Variants in RAB28 observed in about 807,000 individuals in gnomAD.
The protein encoded by RAB28 is RAB28, member RAS oncogene family.
RAB28 carries 24 observed loss-of-function variants against 31.7 expected under a neutral mutation model. That is an observed-to-expected ratio of 0.76 (90% CI 0.55 to 1.06). The LOEUF (loss-of-function observed/expected upper bound fraction) is 1.06. RAB28 is among the 50% of genes least tolerant of loss of function. RAB28 has a pLI of 0.00. For missense variants in RAB28, 254 were observed against 258.5 expected (o/e 0.98, Z 0.12); for synonymous variants, 100 against 90.4 (o/e 1.11, Z -0.60).
chr4:13,373,532 T>A (rs1728798206), intron 6 of RAB28, among the ~76,000 whole-genome samples: 1 of 152,162 alleles, frequency 6.6e-6, no homozygotes, highest in South Asian at 2.1e-4. Context: ...ATCCCCAGAT[T>A]CTAGTGTGGC....
intron 5 of RAB28, among the ~76,000 whole-genome samples, chr4:13,380,809 A>G (rs1577154547): frequency 6.6e-6 from 1 of 152,118 alleles, no homozygotes; most frequent in East Asian, 1.9e-4. Flanking sequence ...ATTATGTTCA[A>G]AACTTAACAA....
Position 13,484,262 on chromosome 4 carries a change from C to A in RAB28, c.-112G>T, listed in dbSNP as rs1716767155. 3.8e-6 allele frequency: 3 copies of A among 782,602 alleles called. No individual in the cohort carries two copies. In the East Asian group the frequency reaches 8.2e-5, roughly 21 times the overall value. 48.5% of individuals were successfully genotyped at this position (782,602 alleles called of 1,614,324 possible). On this transcript the variant is annotated 5_prime_UTR_variant, in exon 1 of 7. Transcript: ENST00000330852. ...GGTAGTTGCGGCAGGACCCCCGCCC[C>A]GGTGTCTCCGCGCCGGCAGGAGGTA...
At chr4:13,401,255 T>C (rs1170128896) in intron 4 of RAB28, among the ~76,000 whole-genome samples, 2 of 152,218 alleles carry the variant, frequency 1.3e-5, no homozygotes, top group Non-Finnish European at 1.5e-5. Flanking sequence ...TTTTCATAAA[T>C]GCAGAAGTAT....
intron 4 of RAB28, among the ~76,000 whole-genome samples, chr4:13,444,102 A>G (rs1048910019): frequency 6.7e-6 from 1 of 148,320 alleles, no homozygotes; most frequent in Admixed American, 6.9e-5. Context: ...ATCTCGGCTC[A>G]CTGCAAGCTC....
intron 4 of RAB28, among the ~76,000 whole-genome samples, chr4:13,419,661 T>C (rs1331811216): frequency 6.6e-6 from 1 of 152,098 alleles, no homozygotes; most frequent in Non-Finnish European, 1.5e-5. Context: ...ACTGGGTAAA[T>C]AATGAAATGA....
rs946602170 is a variant in RAB28, at chr4:13,396,277, A to G, written c.392-14683T>C. Among the ~76,000 whole-genome samples the G allele has an allele frequency of 3.3e-5, 5 of 152,080 alleles. No homozygotes were observed. In the East Asian group the frequency reaches 9.7e-4, roughly 29 times the overall value. ...GTTGATCTGGTTATACTCAATTCAA[A>G]CAAACGACTTGTCACATTAACTACC... On this transcript the variant is annotated intron_variant, in intron 4 of 6. Transcript: ENST00000330852.
Position 13,478,552 on chromosome 4 carries a change from C to A in RAB28, c.172+878G>T, listed in dbSNP as rs568722279. Among the ~76,000 whole-genome samples, 5 of 151,526 alleles carry A rather than the reference C, an allele frequency of 3.3e-5. No individual in the cohort carries two copies. In the South Asian group the frequency reaches 1.0e-3, roughly 31 times the overall value. On this transcript the variant is annotated intron_variant, in intron 2 of 6. Transcript: ENST00000330852. ...CAATAATAATTGGAATGTATTAAAC[C>A]CCTTCCCACTGTATCACTCACATTT...
chr4:13,444,577 T>C (rs1286716267), intron 4 of RAB28, among the ~76,000 whole-genome samples: 2 of 152,230 alleles, frequency 1.3e-5, no homozygotes, highest in Admixed American at 6.5e-5. Context: ...TTGAGGAACC[T>C]CCACACTATT....
At chr4:13,395,704 A>T (rs1000320449) in intron 4 of RAB28, among the ~76,000 whole-genome samples, 5 of 152,142 alleles carry the variant, frequency 3.3e-5, no homozygotes, top group African/African-American at 1.2e-4. Context: ...TATCAAATGT[A>T]TCAGAGCTAC....
intron 6 of RAB28, among the ~76,000 whole-genome samples, chr4:13,373,987 G>A (rs983226316): frequency 6.6e-6 from 1 of 150,518 alleles, no homozygotes; most frequent in African/African-American, 2.4e-5. Context: ...ATGTGTGTGT[G>A]TATATATATA....
At chr4:13,441,038 AAAAAATCCTTGATTTTTTCCC>A (rs1714386931) in intron 4 of RAB28, among the ~76,000 whole-genome samples, 1 of 151,958 alleles carries the variant, frequency 6.6e-6, no homozygotes, top group Admixed American at 6.5e-5. Context: ...GGAAGGAAGG[AAAAAATCCTTGATTTTTTCCC>A]TCGCTGTGAT....
At chr4:13,393,238 T>C (rs1226693885) in intron 4 of RAB28, among the ~76,000 whole-genome samples, 1 of 152,194 alleles carries the variant, frequency 6.6e-6, no homozygotes, top group Non-Finnish European at 1.5e-5. Flanking sequence ...AAAGTGATGC[T>C]TCAGTTACAT....
At chr4:13,393,602 T>C (rs910496763) in intron 4 of RAB28, among the ~76,000 whole-genome samples, 4 of 152,128 alleles carry the variant, frequency 2.6e-5, no homozygotes, top group African/African-American at 9.7e-5. Context: ...AAATTTAGAA[T>C]CTATTCAAAA....
chr4:13,406,620 A>T (rs959879344), intron 4 of RAB28, among the ~76,000 whole-genome samples: 1 of 152,206 alleles, frequency 6.6e-6, no homozygotes, highest in African/African-American at 2.4e-5. Flanking sequence ...TCCCACCAAC[A>T]GTGTAAAAGT....
At chr4:13,455,069 C>T (rs1417978576) in intron 4 of RAB28, among the ~76,000 whole-genome samples, 1 of 152,108 alleles carries the variant, frequency 6.6e-6, no homozygotes, top group Non-Finnish European at 1.5e-5. Context: ...AGACCTAAGA[C>T]AAGGATGCAC....
chr4:13,374,673 T>A (rs190007311), intron 6 of RAB28, among the ~76,000 whole-genome samples: 125 of 152,290 alleles, frequency 8.2e-4, no homozygotes, highest in African/African-American at 2.9e-3. Flanking sequence ...CAAGCCCTAT[T>A]GGTTCTTCTT....
chr4:13,469,855 A>G (rs958935526), intron 3 of RAB28, among the ~76,000 whole-genome samples: 4 of 151,884 alleles, frequency 2.6e-5, no homozygotes, highest in African/African-American at 9.7e-5. Context: ...TGCCCAGCTA[A>G]TTTTTTAAAT....
intron 6 of RAB28, chr4:13,371,543 T>C (rs1728713344): frequency 1.0e-6 from 1 of 984,658 alleles, no homozygotes; most frequent in Non-Finnish European, 1.2e-6. Flanking sequence ...TTAATTTTCA[T>C]CAAATTAATG....
chr4:13,395,554 A>G (rs1372452502), intron 4 of RAB28, among the ~76,000 whole-genome samples: 1 of 152,124 alleles, frequency 6.6e-6, no homozygotes, highest in East Asian at 1.9e-4. Context: ...CTTTTTAGGT[A>G]CTATTTGTTT....
Sources: gnomAD v4.1 joint callset for allele counts (sites outside exome capture counted in the v4.1 genomes callset) on GRCh38, gnomAD v4.1.1 for gene constraint, MANE v1.5 for transcripts, NCBI Gene and HGNC (gene_info 2026-07-23, HGNC 2026-07-21) for gene names.